Variants in PROSER2 observed in about 807,000 individuals in gnomAD.
The protein encoded by PROSER2 is proline and serine rich 2.
Under a neutral mutation model 14.6 loss-of-function variants are expected in PROSER2, and 18 were observed. That is an observed-to-expected ratio of 1.23 (90% CI 0.85 to 1.83). PROSER2 has a LOEUF of 1.83. Among genes scored for constraint, PROSER2 ranks in the 40% most tolerant of loss-of-function variants. The pLI is 0.00. For synonymous variants in PROSER2, 367 were observed against 286.4 expected, an observed-to-expected ratio of 1.28 and a Z score of -2.84; for missense variants, 823 against 629.8, an observed-to-expected ratio of 1.31 and a Z score of -3.28.
At chr10:11,831,614 C>T (rs1833690043) in intron 1 of PROSER2, 1 of 152,188 alleles carries the variant, frequency 6.6e-6, no homozygotes, top group African/African-American at 2.4e-5. Flanking sequence ...AACTGTTCCC[C>T]AGCTAGACTC....
chr10:11,870,413 C>T lies in PROSER2; in HGVS notation c.*7C>T, dbSNP rs1466870624. ...GCTCAGGGAGAGTTCGTGAGGGCCG[C>T]GCGGGCTCCAGTCCACCCCGTTTCT... On this transcript the variant is annotated 3_prime_UTR_variant, in exon 4 of 4. Transcript: ENST00000277570. The T allele has an allele frequency of 2.0e-6, 3 of 1,480,014 alleles. No homozygotes were observed. Among genetic ancestry groups the T allele is most frequent in the Admixed American group, 2.6e-5 (1 of 37,986 alleles). The allele number at this position is 1,480,014 out of a possible 1,614,324, so 91.7% of individuals were successfully genotyped here.
At chr10:11,850,678 TTC>T (rs1252163337) in intron 1 of PROSER2, 1 of 152,258 alleles carries the variant, frequency 6.6e-6, no homozygotes, top group Admixed American at 6.5e-5. Flanking sequence ...AGAAATGTGT[TTC>T]TTTTTAAATC....
chr10:11,833,248 T>TTTTG, intron 1 of PROSER2, among the ~76,000 whole-genome samples: 1 of 145,506 alleles, frequency 6.9e-6, no homozygotes, highest in Admixed American at 6.9e-5. Flanking sequence ...TTTTTTTTTT[T>TTTTG]TTTTTTTTAG....
rs1325041568 is a variant in PROSER2 at position 11,872,074 on chromosome 10, C to G, written c.*1668C>G. On this transcript the variant is annotated 3_prime_UTR_variant, in exon 4 of 4. Coordinates refer to ENST00000277570, the MANE Select transcript of PROSER2 (RefSeq NM_153256.4). ...AGGATTTATAAGGGCTGTGTTTGCT[C>G]TTTACAAGGCAAGATGCCATACAGT... The G allele has an allele frequency of 6.6e-6, 1 of 152,174 alleles. No individual in the cohort carries two copies. Among genetic ancestry groups the G allele is most frequent in the African/African-American group, 2.4e-5 (1 of 41,446 alleles). 9.4% of individuals were successfully genotyped at this position (152,174 alleles called of 1,614,324 possible). A position where few individuals can be genotyped will look rare whatever the true frequency, so the allele number is the denominator to read the frequency against.
intron 1 of PROSER2, among the ~76,000 whole-genome samples, chr10:11,847,699 G>A (rs11257358): frequency 6.6e-6 from 1 of 152,068 alleles, no homozygotes; most frequent in African/African-American, 2.4e-5. Flanking sequence ...GATTACAGGC[G>A]TGAGCCACCA....
chr10:11,849,056 G>A (rs1476844326), intron 1 of PROSER2, among the ~76,000 whole-genome samples: 3 of 152,072 alleles, frequency 2.0e-5, no homozygotes, highest in East Asian at 3.9e-4. Context: ...GCGTGGTGGC[G>A]CATGCCTGTA....
At chr10:11,833,945 G>A (rs1374957586) in intron 1 of PROSER2, among the ~76,000 whole-genome samples, 2 of 150,810 alleles carry the variant, frequency 1.3e-5, no homozygotes, top group Non-Finnish European at 3.0e-5. Flanking sequence ...AGGGCAGCAG[G>A]GAGGCAGTGG....
chr10:11,863,750 CTG>C (rs1169731700), intron 2 of PROSER2, among the ~76,000 whole-genome samples: 2 of 152,022 alleles, frequency 1.3e-5, no homozygotes, highest in African/African-American at 4.8e-5. Flanking sequence ...TTTCATGTGT[CTG>C]TATTAAGTAT....
At chr10:11,849,186 CAAAA>C (rs907565610) in intron 1 of PROSER2, among the ~76,000 whole-genome samples, 1 of 142,832 alleles carries the variant, frequency 7.0e-6, no homozygotes, top group African/African-American at 2.6e-5. Flanking sequence ...AACTCCGTCT[CAAAA>C]AAAAAACAAA....
At chr10:11,839,696 G>A (rs1379797656) in intron 1 of PROSER2, among the ~76,000 whole-genome samples, 2 of 151,532 alleles carry the variant, frequency 1.3e-5, no homozygotes, top group Admixed American at 6.6e-5. Context: ...GTGGTGGGGG[G>A]CACCTGTAAT....
chr10:11,828,735 A>G (rs1833649383), intron 1 of PROSER2, among the ~76,000 whole-genome samples: 2 of 152,110 alleles, frequency 1.3e-5, no homozygotes, highest in South Asian at 4.1e-4. Context: ...AAACATGCTG[A>G]GAGTTTAAAG....
At chr10:11,828,017 T>G (rs1036919931) in intron 1 of PROSER2, among the ~76,000 whole-genome samples, 1 of 151,908 alleles carries the variant, frequency 6.6e-6, no homozygotes, top group Non-Finnish European at 1.5e-5. Flanking sequence ...TTACATTTTA[T>G]TTTTTTTAAT....
At position 11,865,309 on chromosome 10, in the gene PROSER2, G is replaced by T. The variant is rs1834323033; in HGVS notation, c.139-1222G>T. On this transcript the variant is annotated intron_variant, in intron 2 of 3. Coordinates refer to ENST00000277570, the MANE Select transcript of PROSER2 (RefSeq NM_153256.4). This position sits in a 1 kb window ranked among gnomAD's most constrained non-coding sequence, Gnocchi z 4.2. Reference sequence around the variant, plus strand: ...TTTATTTATTTCTAAGTCTTCTTTTGTCCTGTAAAGAAAAAAAATCATGCT... The same window carrying T: ...TTTATTTATTTCTAAGTCTTCTTTTTTCCTGTAAAGAAAAAAAATCATGCT... 6.8e-6 allele frequency among the ~76,000 whole-genome samples: 1 copy of T among 147,962 alleles called. No individual in the cohort carries two copies. The highest frequency in any genetic ancestry group is 2.1e-4 in the South Asian group (1 of 4,696).
chr10:11,861,230 G>C (rs576204424), intron 2 of PROSER2, among the ~76,000 whole-genome samples: 21 of 152,302 alleles, frequency 1.4e-4, no homozygotes, highest in African/African-American at 4.8e-4. Flanking sequence ...AGTTCTTTCA[G>C]GTTATTGACT....
chr10:11,862,633 G>T lies in PROSER2; in HGVS notation c.139-3898G>T, dbSNP rs901180026. 6.6e-6 allele frequency among the ~76,000 whole-genome samples: 1 copy of T among 152,186 alleles called. No homozygotes were observed. The highest frequency in any genetic ancestry group is 2.1e-4 in the South Asian group (1 of 4,824). ...CACTTGAGCTGGGGAGACCTAGGCT[G>T]CAATGAGCTGTGATTGTACCACTGC... On this transcript the variant is annotated intron_variant, in intron 2 of 3. Transcript: ENST00000277570. The surrounding 1 kb of genome is among the most constrained non-coding windows in gnomAD (Gnocchi z 4.2).
chr10:11,844,731 C>T (rs1224605737), intron 1 of PROSER2, among the ~76,000 whole-genome samples: 1 of 152,188 alleles, frequency 6.6e-6, no homozygotes, highest in Admixed American at 6.5e-5. Context: ...AAGCGATTCT[C>T]CCACCCTAGT....
intron 3 of PROSER2, among the ~76,000 whole-genome samples, chr10:11,867,264 CAAAAAAAAAAA>C (rs10560433): frequency 3.9e-5 from 2 of 51,810 alleles, no homozygotes; most frequent in African/African-American, 6.7e-5. Flanking sequence ...GACTCCGTCT[CAAAAAAAAAAA>C]AAAAAAAAAA....
chr10:11,856,825 G>A lies in PROSER2; in HGVS notation c.138+4610G>A, dbSNP rs147177052. On this transcript the variant is annotated intron_variant, in intron 2 of 3. Transcript: ENST00000277570. This position sits in a 1 kb window ranked among gnomAD's most constrained non-coding sequence, Gnocchi z 5.3. Reference sequence around the variant, plus strand: ...GGGGGGCTTCCCACGTGGCCGGGCCGGAGCAAAGTCTGAGGAGTGTGCTAG... The same window carrying A: ...GGGGGGCTTCCCACGTGGCCGGGCCAGAGCAAAGTCTGAGGAGTGTGCTAG... 1.1e-3 allele frequency among the ~76,000 whole-genome samples: 170 copies of A among 152,256 alleles called. 4 individuals are homozygous for A. The East Asian group carries it at 0.029, about 26-fold the overall frequency.
chr10:11,847,982 A>G (rs1391084255), intron 1 of PROSER2, among the ~76,000 whole-genome samples: 2 of 152,226 alleles, frequency 1.3e-5, no homozygotes, highest in African/African-American at 4.8e-5. Context: ...TTCCAAAGAT[A>G]AGGAGATCAT....
Sources: gnomAD v4.1 joint callset for allele counts (sites outside exome capture counted in the v4.1 genomes callset) on GRCh38, gnomAD v4.1.1 for gene constraint, Gnocchi (gnomAD v3.1) non-coding constraint, MANE v1.5 for transcripts, NCBI Gene and HGNC (gene_info 2026-07-23, HGNC 2026-07-21) for gene names.